COL26A1: variants seen among roughly 807,000 people sequenced by gnomAD.
COL26A1 encodes the protein collagen type XXVI alpha 1 chain.
In COL26A1, 41 loss-of-function variants were observed where a neutral mutation model predicts 59.3. The ratio of observed to expected loss-of-function variants is 0.69; its 90% CI spans 0.54 to 0.90. The LOEUF (loss-of-function observed/expected upper bound fraction) is 0.90. Ranked by LOEUF, COL26A1 falls within the 40% of genes least tolerant of loss-of-function variation. The pLI, the probability that COL26A1 is intolerant of heterozygous loss-of-function variation, is 0.00. For synonymous variants in COL26A1, 266 were observed against 256.0 expected (o/e 1.04, Z -0.37); for missense variants, 612 against 602.3 (o/e 1.02, Z -0.17).
At chr7:101,457,304 G>T (rs1341399770) in intron 3 of COL26A1, among the ~76,000 whole-genome samples, 1 of 152,080 alleles carries the variant, frequency 6.6e-6, no homozygotes, top group Non-Finnish European at 1.5e-5. Context: ...TTATCTATAG[G>T]AGCAACTGGG....
At chr7:101,370,533 G>T (rs1197681531) in intron 1 of COL26A1, among the ~76,000 whole-genome samples, 2 of 151,928 alleles carry the variant, frequency 1.3e-5, no homozygotes, top group African/African-American at 4.8e-5. Context: ...ACCATGCCTG[G>T]CTAATTTTTT....
intron 2 of COL26A1, among the ~76,000 whole-genome samples, chr7:101,420,914 C>G (rs1256412748): frequency 6.6e-6 from 1 of 152,072 alleles, no homozygotes; most frequent in African/African-American, 2.4e-5. Context: ...CTTCTTCCTC[C>G]TCTCCAGGCC....
At chr7:101,529,733 A>C (rs756160111) in intron 3 of COL26A1, among the ~76,000 whole-genome samples, 2 of 152,294 alleles carry the variant, frequency 1.3e-5, no homozygotes, top group Non-Finnish European at 2.9e-5. Context: ...AGCTGCGTCC[A>C]TGTTGCTGCA....
rs187986362 is a variant in COL26A1 at position 101,552,581 on chromosome 7, T to A, written c.1030-745T>A. ...GCAGTGAGCCATGATCGCGTCACTATACTCCAGCCTGGGCAACAGAGCAAG... is the reference window on the plus strand; with the variant it reads ...GCAGTGAGCCATGATCGCGTCACTAAACTCCAGCCTGGGCAACAGAGCAAG... On this transcript the variant is annotated intron_variant, in intron 10 of 12. Coordinates refer to ENST00000313669, the MANE Select transcript of COL26A1 (RefSeq NM_001278563.3). Among the ~76,000 whole-genome samples, 1,298 of 151,996 alleles carry A rather than the reference T, an allele frequency of 8.5e-3. 9 individuals carry two copies. The highest frequency in any genetic ancestry group is 0.017 in the Middle Eastern group (5 of 290).
chr7:101,523,831 G>A (rs1448398167), intron 3 of COL26A1, among the ~76,000 whole-genome samples: 6 of 151,634 alleles, frequency 4.0e-5, no homozygotes, highest in African/African-American at 1.5e-4. Context: ...GACTAGTCTT[G>A]GACATTTGTA....
intron 8 of COL26A1, 109 bp from the exon 9 acceptor site, chr7:101,549,062 A>G (rs974084670): frequency 5.3e-6 from 3 of 568,570 alleles, no homozygotes; most frequent in Non-Finnish European, 6.1e-6. Context: ...ATTCATTCCC[A>G]AACCCTCCTT....
At chr7:101,445,497 C>T (rs1253637388) in intron 2 of COL26A1, among the ~76,000 whole-genome samples, 2 of 150,748 alleles carry the variant, frequency 1.3e-5, no homozygotes, top group Non-Finnish European at 3.0e-5. Context: ...TTTGGGAGGC[C>T]GAGGCGGGCG....
intron 4 of COL26A1, among the ~76,000 whole-genome samples, chr7:101,539,473 G>A (rs1450168300): frequency 6.6e-6 from 1 of 152,156 alleles, no homozygotes; most frequent in African/African-American, 2.4e-5. Context: ...CTGCAGGCGT[G>A]TGCCACCACG....
At position 101,539,964 on chromosome 7, in the gene COL26A1, G is replaced by C; in HGVS notation, c.519G>C (p.Pro173=). The C allele has an allele frequency of 6.2e-7, 1 of 1,613,420 alleles. No homozygotes were observed. The highest frequency in any genetic ancestry group is 8.5e-7 in the Non-Finnish European group (1 of 1,179,782). Residue 173 remains proline, a synonymous_variant, in exon 5 of 13, where the codon CCG becomes CCC. Coordinates refer to ENST00000313669, the MANE Select transcript of COL26A1 (RefSeq NM_001278563.3). ...DNDLPAPEST[P]PTWNEDFLPD... ...ACCTGCCAGCCCCCGAGAGCACTCC[G>C]CCGACCTGGAATGAGGACTTCCTCC...
chr7:101,557,569 C>T lies in COL26A1; in HGVS notation c.*39C>T, dbSNP rs754395558. 6.4e-7 allele frequency: 1 copy of T among 1,562,930 alleles called. No individual in the cohort carries two copies. The highest frequency in any genetic ancestry group is 8.7e-7 in the Non-Finnish European group (1 of 1,150,156). ...CAGGACACCCTGTCCTGGCTAGAGA[C>T]CCAGCCCCAGAGGCCTGAGCCGCCG... On this transcript the variant is annotated 3_prime_UTR_variant, in exon 13 of 13. Coordinates refer to ENST00000313669, the MANE Select transcript of COL26A1 (RefSeq NM_001278563.3).
chr7:101,507,663 C>T (rs1013155607), intron 3 of COL26A1, among the ~76,000 whole-genome samples: 7 of 152,164 alleles, frequency 4.6e-5, no homozygotes, highest in Non-Finnish European at 8.8e-5. Context: ...AAGTGATCCT[C>T]CCTCCTCCAC....
intron 2 of COL26A1, among the ~76,000 whole-genome samples, chr7:101,423,805 C>T (rs1489886279): frequency 2.0e-5 from 3 of 152,030 alleles, no homozygotes; most frequent in Non-Finnish European, 2.9e-5. Context: ...CTCACTCACT[C>T]CTTGGAGTTC....
intron 2 of COL26A1, among the ~76,000 whole-genome samples, chr7:101,422,372 GAAAAAAAAAA>G (rs3072484): frequency 1.4e-5 from 1 of 72,980 alleles, no homozygotes; most frequent in African/African-American, 5.8e-5. Flanking sequence ...GGTCCAAAAT[GAAAAAAAAAA>G]AAAAAAAAAA....
At chr7:101,501,851 G>A (rs1450948533) in intron 3 of COL26A1, among the ~76,000 whole-genome samples, 1 of 152,248 alleles carries the variant, frequency 6.6e-6, no homozygotes, top group African/African-American at 2.4e-5. Context: ...ACAAACAGCT[G>A]AGTTTGTGTG....
intron 5 of COL26A1, among the ~76,000 whole-genome samples, chr7:101,540,824 G>A (rs1234103260): frequency 1.3e-5 from 2 of 151,864 alleles, no homozygotes; most frequent in South Asian, 2.1e-4. Context: ...CCTGGAAGAC[G>A]GGGTGAAACC....
chr7:101,465,691 C>CAAAAAAAAAAAAAAAAAAA (rs539721605), intron 3 of COL26A1, among the ~76,000 whole-genome samples: 3 of 102,640 alleles, frequency 2.9e-5, no homozygotes, highest in Non-Finnish European at 5.9e-5. Context: ...GAAACTGTCT[C>CAAAAAAAAAAAAAAAAAAA]AAAAAAAAAA....
intron 2 of COL26A1, among the ~76,000 whole-genome samples, chr7:101,443,216 A>C (rs187650261): frequency 6.6e-6 from 1 of 152,136 alleles, no homozygotes; most frequent in African/African-American, 2.4e-5. Context: ...GTTGCTCCCA[A>C]AAGCTGGGGG....
chr7:101,411,700 C>T (rs906242237), intron 1 of COL26A1, among the ~76,000 whole-genome samples: 1 of 152,052 alleles, frequency 6.6e-6, no homozygotes, highest in East Asian at 1.9e-4. Context: ...TGGGACATGA[C>T]GGTGTGTGAC....
At chr7:101,378,149 G>A (rs867264907) in intron 1 of COL26A1, among the ~76,000 whole-genome samples, 2 of 152,104 alleles carry the variant, frequency 1.3e-5, no homozygotes, top group Non-Finnish European at 2.9e-5. Context: ...GGAGACTGGG[G>A]CAGGTGGATC....
Sources: allele counts gnomAD v4.1 joint callset (sites outside exome capture counted in the v4.1 genomes callset), GRCh38; gene constraint gnomAD v4.1.1; transcripts MANE v1.5; gene names NCBI Gene and HGNC (gene_info 2026-07-23, HGNC 2026-07-21).